ITGA7: variants seen among roughly 807,000 people sequenced by gnomAD.
The protein encoded by ITGA7 is integrin subunit alpha 7.
ITGA7 carries 84 observed loss-of-function variants against 131.6 expected under a neutral mutation model. The ratio of observed to expected loss-of-function variants is 0.64; its 90% CI spans 0.54 to 0.77. The LOEUF (loss-of-function observed/expected upper bound fraction) is 0.77, where lower values mean the gene tolerates loss of function less well. Among genes scored for constraint, ITGA7 ranks in the 30% least tolerant of loss-of-function variants. The pLI, the probability that ITGA7 is intolerant of heterozygous loss-of-function variation, is 0.00. For missense variants in ITGA7, 1,399 were observed against 1,482.9 expected (o/e 0.94, Z 0.93); for synonymous variants, 548 against 600.7 (o/e 0.91, Z 1.28).
At chr12:55,689,354 G>C (rs145377865) in intron 21 of ITGA7, among the ~76,000 whole-genome samples, 2 of 152,200 alleles carry the variant, frequency 1.3e-5, no homozygotes, top group African/African-American at 2.4e-5. Flanking sequence ...GAGGCCAAGC[G>C]ACCTGCCTCA....
chr12:55,697,001 G>T lies in ITGA7; in HGVS notation c.1635C>A (p.Phe545Leu). The change falls in exon 12 of 25, where the codon TTC (phenylalanine) becomes TTA (leucine). Residue 545 changes from phenylalanine to leucine, a missense_variant. By Grantham distance (22) the Phe-to-Leu change is conservative (BLOSUM62 0). Coordinates refer to ENST00000257879, the MANE Select transcript of ITGA7 (RefSeq NM_002206.3). ...RLRGQVPRVT[F>L]LSRNLEEPKH... ...TGGGTTCTTCCAGGTTACGGCTCAGGAACGTCACACGGGGAACCTGGCCCC... is the reference window on the plus strand; with the variant it reads ...TGGGTTCTTCCAGGTTACGGCTCAGTAACGTCACACGGGGAACCTGGCCCC... The T allele has an allele frequency of 6.2e-7, 1 of 1,614,148 alleles. No homozygotes were observed. The highest frequency in any genetic ancestry group is 8.5e-7 in the Non-Finnish European group (1 of 1,180,036).
rs2293414 is a variant in ITGA7, at chr12:55,703,241, A to C, written c.207-63T>G. 0.53 allele frequency: 833,070 copies of C among 1,574,390 alleles called. 228,453 individuals are homozygous for C. Among genetic ancestry groups the C allele is most frequent in the East Asian group, 0.94 (41,579 of 44,302 alleles). On this transcript the variant is annotated intron_variant, in intron 1 of 24. Coordinates refer to ENST00000257879, the MANE Select transcript of ITGA7 (RefSeq NM_002206.3). Reference sequence around the variant, plus strand: ...TTAGAGGTCAGAATGACCCAATCTCATTAGAGCTGCCCAGGCCCAACCCCT... The same window carrying C: ...TTAGAGGTCAGAATGACCCAATCTCCTTAGAGCTGCCCAGGCCCAACCCCT...
chr12:55,697,722 G>T lies in ITGA7; in HGVS notation c.1382C>A (p.Ser461Tyr). ...GNQYPDLLVG[S>Y]LADTAVLFRA... Reference sequence around the variant, plus strand: ...GAAGAGCACTGCGGTGTCAGCCAGGGAGCCCACCAGCAGGTCAGGGTATTG... The same window carrying T: ...GAAGAGCACTGCGGTGTCAGCCAGGTAGCCCACCAGCAGGTCAGGGTATTG... Residue 461 changes from serine (S) to tyrosine (Y), a missense_variant, in exon 9 of 25, where the codon TCC becomes TAC. Physicochemically the swap from Ser to Tyr is moderately radical, Grantham distance 144. Transcript: ENST00000257879. The T allele has an allele frequency of 6.2e-7, 1 of 1,614,136 alleles. No individual in the cohort carries two copies. The highest frequency in any genetic ancestry group is 8.5e-7 in the Non-Finnish European group (1 of 1,180,004).
rs7974721 is a variant in ITGA7 at position 55,696,254 on chromosome 12, C to T, written c.1887+29G>A. The T allele has an allele frequency of 0.52, 812,880 of 1,550,564 alleles. 221,387 individuals are homozygous for T. Among genetic ancestry groups the T allele is most frequent in the East Asian group, 0.93 (38,656 of 41,380 alleles). On this transcript the variant is annotated intron_variant, in intron 13 of 24. Transcript: ENST00000257879. ...TGATCTTTGCCCTCCCAGCTCCTCC[C>T]CCTGGGCTAAACCAGAACCCATGCT...
Position 55,696,889 on chromosome 12 carries a change from C to T in ITGA7, c.1737+10G>A. On this transcript the variant is annotated intron_variant, in intron 12 of 24. Transcript: ENST00000257879. Reference sequence around the variant, plus strand: ...AAATGACCCTCAGAAGCCAAGGGGTCAGTGTCCACCTGGAGCTGGAACATG... The same window carrying T: ...AAATGACCCTCAGAAGCCAAGGGGTTAGTGTCCACCTGGAGCTGGAACATG... 6.2e-7 allele frequency: 1 copy of T among 1,614,044 alleles called. No individual in the cohort carries two copies. The highest frequency in any genetic ancestry group is 1.7e-4 in the Middle Eastern group (1 of 6,046).
chr12:55,712,915 G>A (rs556546183), upstream of ITGA7, among the ~76,000 whole-genome samples: 2 of 152,198 alleles, frequency 1.3e-5, no homozygotes, highest in Non-Finnish European at 2.9e-5. Flanking sequence ...TCTCTACACC[G>A]ATTGTGAAAA....
intron 1 of ITGA7, 103 bp from the exon 2 acceptor site, chr12:55,703,281 G>A (rs1254531375): frequency 1.5e-6 from 2 of 1,295,170 alleles, no homozygotes; most frequent in South Asian, 1.4e-5. Context: ...ACTAAAGAGA[G>A]TGTTCAAGGA....
intron 5 of ITGA7, 128 bp downstream of exon 5, chr12:55,699,742 C>G: frequency 8.0e-7 from 1 of 1,249,588 alleles, no homozygotes. Context: ...AATTTGGGCC[C>G]AATGTATGTC....
In ITGA7 at chr12:55,694,427, G is replaced by A; in HGVS notation, c.2357+16C>T. On this transcript the variant is annotated intron_variant, in intron 17 of 24. Transcript: ENST00000257879. This position sits in a 1 kb window ranked among gnomAD's most constrained non-coding sequence, Gnocchi z 5.3. Reference sequence around the variant, plus strand: ...TGACTACCCCCACCTCACCCTTCCGGCCCCGCCTGGCTTACGTGGCCAACA... The same window carrying A: ...TGACTACCCCCACCTCACCCTTCCGACCCCGCCTGGCTTACGTGGCCAACA... 6.2e-7 allele frequency: 1 copy of A among 1,613,982 alleles called. No homozygotes were observed. Among genetic ancestry groups the A allele is most frequent in the Non-Finnish European group, 8.5e-7 (1 of 1,179,866 alleles).
intron 21 of ITGA7, among the ~76,000 whole-genome samples, chr12:55,689,728 C>A (rs1224276625): frequency 6.6e-6 from 1 of 152,172 alleles, no homozygotes; most frequent in African/African-American, 2.4e-5. Context: ...AGGCCTTCTG[C>A]CTTTTTAGTA....
chr12:55,701,286 C>A (rs1873959008), intron 3 of ITGA7, 132 bp from the exon 4 acceptor site: 1 of 1,558,510 alleles, frequency 6.4e-7, no homozygotes, highest in Non-Finnish European at 8.8e-7. Flanking sequence ...TGCACACATA[C>A]ACACACACCC....
chr12:55,701,348 A>G, intron 3 of ITGA7, 194 bp from the exon 4 acceptor site: 1 of 1,555,416 alleles, frequency 6.4e-7, no homozygotes, highest in Non-Finnish European at 8.7e-7. Context: ...ACACAGGTCC[A>G]TGCATAACCC....
chr12:55,701,339 C>A (rs1592468545), intron 3 of ITGA7, 185 bp from the exon 4 acceptor site: 1 of 1,557,990 alleles, frequency 6.4e-7, no homozygotes, highest in Middle Eastern at 1.7e-4. Flanking sequence ...GCCAGTGTTA[C>A]ACAGGTCCAT....
upstream of ITGA7, among the ~76,000 whole-genome samples, chr12:55,714,736 A>G (rs1876385284): frequency 2.7e-5 from 4 of 150,038 alleles, no homozygotes; most frequent in South Asian, 8.4e-4. Context: ...ATACATATAT[A>G]CACATATATA....
At chr12:55,700,298 G>C (rs778519884) in intron 4 of ITGA7, 3 of 1,609,596 alleles carry the variant, frequency 1.9e-6, no homozygotes, top group Non-Finnish European at 2.5e-6. Context: ...ATGAGGCGGG[G>C]GTCCTGCTCC....
At chr12:55,707,958 C>G (rs904027153), upstream of ITGA7, 3 of 1,324,088 alleles carry the variant, frequency 2.3e-6, no homozygotes, top group African/African-American at 4.7e-5. Context: ...CCTCCGGCCC[C>G]GCCCCTCGCT....
At chr12:55,711,542 A>T (rs1183666749), upstream of ITGA7, among the ~76,000 whole-genome samples, 2 of 152,076 alleles carry the variant, frequency 1.3e-5, no homozygotes, top group Non-Finnish European at 1.5e-5. Flanking sequence ...TAAAATGATA[A>T]TCCATGGAAT....
chr12:55,695,072 C>T, intron 14 of ITGA7, 102 bp from the exon 15 acceptor site: 2 of 1,180,078 alleles, frequency 1.7e-6, no homozygotes, highest in Non-Finnish European at 2.4e-6. Flanking sequence ...CCCTGAGCCT[C>T]TCTTCCCACC....
chr12:55,685,386 G>T, intron 24 of ITGA7, 98 bp from the exon 25 acceptor site: 1 of 1,106,290 alleles, frequency 9.0e-7, no homozygotes, highest in Non-Finnish European at 1.4e-6. Context: ...CACCATCCCT[G>T]CTGCGGCAGA....
Sources: allele counts gnomAD v4.1 joint callset (sites outside exome capture counted in the v4.1 genomes callset), GRCh38; gene constraint gnomAD v4.1.1; non-coding constraint Gnocchi (gnomAD v3.1); transcripts MANE v1.5; gene names NCBI Gene and HGNC (gene_info 2026-07-23, HGNC 2026-07-21).